The following SELP variants were observed in gnomAD, a reference collection of about 807,000 sequenced individuals.
The protein encoded by SELP is selectin P.
In SELP, 92 loss-of-function variants were observed where a neutral mutation model predicts 104.1. That is an observed-to-expected ratio of 0.88 (90% CI 0.75 to 1.05). The LOEUF (loss-of-function observed/expected upper bound fraction) is 1.05, where lower values mean the gene tolerates loss of function less well. Ranked by LOEUF, SELP falls within the 50% of genes least tolerant of loss-of-function variation. SELP has a pLI of 0.00. For missense variants in SELP, 1,022 were observed against 1,017.3 expected (o/e 1.00, Z -0.06); for synonymous variants, 397 against 364.5 (o/e 1.09, Z -1.01).
intron 9 of SELP, 92 bp from the exon 10 acceptor site, chr1:169,603,303 CTCTCTGTG>C (rs1333703462): frequency 2.8e-4 from 197 of 694,656 alleles, no homozygotes; most frequent in Non-Finnish European, 3.8e-4. Context: ...CTCCCTCTCT[CTCTCTGTG>C]TGTGTGTGTG....
At chr1:169,595,839 G>A in intron 12 of SELP, 86 bp downstream of exon 12, 1 of 1,195,280 alleles carries the variant, frequency 8.4e-7, no homozygotes, top group Non-Finnish European at 1.2e-6. Flanking sequence ...TTGTGGTTGG[G>A]TGAGACTTCA....
intron 12 of SELP, 48 bp downstream of exon 12, chr1:169,595,877 T>A: frequency 6.4e-7 from 1 of 1,551,478 alleles, no homozygotes; most frequent in Non-Finnish European, 8.9e-7. Flanking sequence ...CTAGCTTGAG[T>A]ACTTGCAGGA....
At chr1:169,597,723 A>G (rs1460578546) in intron 10 of SELP, among the ~76,000 whole-genome samples, 1 of 152,192 alleles carries the variant, frequency 6.6e-6, no homozygotes, top group African/African-American at 2.4e-5. Flanking sequence ...CCATCCAGAT[A>G]ACACAGGAAA....
At chr1:169,607,330 G>A (rs3917751) in intron 8 of SELP, among the ~76,000 whole-genome samples, 196 bp from the exon 9 acceptor site, 55,447 of 151,964 alleles carry the variant, frequency 0.36, 12,160 homozygotes, top group East Asian at 0.95. Context: ...CCTTTGTTGA[G>A]CATCTTGGCA....
intron 7 of SELP, among the ~76,000 whole-genome samples, chr1:169,610,252 C>T (rs895871781): frequency 1.3e-5 from 2 of 151,864 alleles, no homozygotes; most frequent in African/African-American, 2.4e-5. Flanking sequence ...TGATCCTGAC[C>T]GGGCTTTGTC....
At chr1:169,594,465 A>G (rs552590595) in intron 13 of SELP, among the ~76,000 whole-genome samples, 10 of 152,306 alleles carry the variant, frequency 6.6e-5, no homozygotes, top group Admixed American at 3.9e-4. Context: ...TCATTTCACA[A>G]ACTGAACACT....
chr1:169,589,721 C>T (rs1286460640), intron 16 of SELP: 1 of 154,956 alleles, frequency 6.5e-6, no homozygotes, highest in East Asian at 1.9e-4. Context: ...TTGTAGGACA[C>T]TCAACTACCC....
In SELP at chr1:169,612,960, T is replaced by G; in HGVS notation, c.744A>C (p.Gly248=). The change falls in exon 5 of 17, where the codon GGA becomes GGC. Residue 248 remains glycine (G), a synonymous_variant. Coordinates refer to ENST00000263686, the MANE Select transcript of SELP (RefSeq NM_003005.4). ...GPSKLECLAS[G]IWTNKPPQCL... ...ACTGTGGAGGCTTATTTGTCCAGAT[T>G]CCAGAAGCCAAGCATTCCAGCTTGC... The G allele has an allele frequency of 6.2e-7, 1 of 1,612,946 alleles. No individual in the cohort carries two copies. Among genetic ancestry groups the G allele is most frequent in the Non-Finnish European group, 8.5e-7 (1 of 1,179,178 alleles).
chr1:169,629,181 T>C (rs1310946349), intron 1 of SELP, among the ~76,000 whole-genome samples: 9 of 152,144 alleles, frequency 5.9e-5, no homozygotes, highest in Non-Finnish European at 1.3e-4. Context: ...ATTGCTGAGT[T>C]CAAAATGCCT....
chr1:169,613,851 G>A lies in SELP; in HGVS notation c.482-158C>T, dbSNP rs74668477. ...CTTCTAGAGAGCCAACCTGTCCCTTGTGAAAAGCATTGTAGGGGCCTGCTG... is the reference window on the plus strand; with the variant it reads ...CTTCTAGAGAGCCAACCTGTCCCTTATGAAAAGCATTGTAGGGGCCTGCTG... On this transcript the variant is annotated intron_variant, in intron 3 of 16. Coordinates refer to ENST00000263686, the MANE Select transcript of SELP (RefSeq NM_003005.4). 5.5e-3 allele frequency among the ~76,000 whole-genome samples: 838 copies of A among 152,330 alleles called. 5 individuals carry two copies. The highest frequency in any genetic ancestry group is 0.019 in the African/African-American group (809 of 41,570).
chr1:169,598,827 A>G (rs1661756725), intron 10 of SELP, among the ~76,000 whole-genome samples: 1 of 152,242 alleles, frequency 6.6e-6, no homozygotes. Context: ...GAATGAATAC[A>G]GTAATGAATA....
rs1373652666 is a variant in SELP at position 169,619,180 on chromosome 1, T to G, written c.43A>C (p.Arg15=). The G allele has an allele frequency of 6.2e-7, 1 of 1,614,096 alleles. No homozygotes were observed. Among genetic ancestry groups the G allele is most frequent in the Non-Finnish European group, 8.5e-7 (1 of 1,179,932 alleles). The stretch of plus-strand genomic sequence containing the variant: ...AGTTGGGAAATTCCAAAGACCACTC[T>G]CTGGAATCTCTGGTACAAGATGGCT... The part of the protein sequence containing the change: ...QIAILYQRFQ[R]VVFGISQLLC... Residue 15 remains arginine, a synonymous_variant, in exon 2 of 17, where the codon AGA becomes CGA. Coordinates refer to ENST00000263686, the MANE Select transcript of SELP (RefSeq NM_003005.4).
chr1:169,593,852 G>T, intron 13 of SELP, 128 bp from the exon 14 acceptor site: 1 of 846,616 alleles, frequency 1.2e-6, no homozygotes, highest in Non-Finnish European at 1.8e-6. Flanking sequence ...AAGGTCCTGG[G>T]AATGCTGACA....
chr1:169,619,297 A>G (rs1007936936), intron 1 of SELP, 78 bp from the exon 2 acceptor site: 7 of 1,062,494 alleles, frequency 6.6e-6, no homozygotes, highest in Admixed American at 5.6e-5. Flanking sequence ...GTTAACAATC[A>G]TTATGTTGAA....
At chr1:169,623,181 G>T (rs1481140955) in intron 1 of SELP, among the ~76,000 whole-genome samples, 1 of 102 alleles carries the variant, frequency 9.8e-3, no homozygotes, top group Non-Finnish European at 0.024. Context: ...TTGAACCTGG[G>T]CTTTGCTCTA....
chr1:169,602,922 G>A (rs761765575), intron 10 of SELP, 104 bp downstream of exon 10: 8 of 889,326 alleles, frequency 9.0e-6, no homozygotes, highest in Non-Finnish European at 1.2e-5. Context: ...TGTGGAGAGT[G>A]TTGTTTGCTT....
chr1:169,616,788 A>T lies in SELP; in HGVS notation c.481+240T>A, dbSNP rs140704427. ...GAGTGTCCTTTTCATCAGTTATAAG[A>T]TGAGACAGGTGAGCTGGATGATATT... On this transcript the variant is annotated intron_variant, in intron 3 of 16. Coordinates refer to ENST00000263686, the MANE Select transcript of SELP (RefSeq NM_003005.4). Among the ~76,000 whole-genome samples, 1,132 of 152,318 alleles carry T rather than the reference A, an allele frequency of 7.4e-3. 8 individuals carry two copies. The highest frequency in any genetic ancestry group is 0.011 in the Non-Finnish European group (731 of 68,038).
chr1:169,594,713 T>G lies in SELP; in HGVS notation c.2266A>C (p.Thr756Pro), dbSNP rs6136. Reference sequence around the variant, plus strand: ...GTACCTTGGCAGGTTGGCACGGTAGTTGACCAGTGGCCATTCTCTTGGCAT... The same window carrying G: ...GTACCTTGGCAGGTTGGCACGGTAGGTGACCAGTGGCCATTCTCTTGGCAT... ...TACQENGHWS[T>P]TVPTCQAGPL... Residue 756 changes from threonine to proline, a missense_variant, in exon 13 of 17, where the codon ACT becomes CCT. Coordinates refer to ENST00000263686, the MANE Select transcript of SELP (RefSeq NM_003005.4). 0.097 allele frequency: 156,500 copies of G among 1,613,462 alleles called. 8,585 individuals are homozygous for G. The highest frequency in any genetic ancestry group is 0.11 in the Non-Finnish European group (130,981 of 1,179,576).
At chr1:169,595,892 A>G (rs1661578734) in intron 12 of SELP, 33 bp downstream of exon 12, 2 of 1,597,052 alleles carry the variant, frequency 1.3e-6, no homozygotes, top group Non-Finnish European at 1.7e-6. Context: ...GCAGGAAGGC[A>G]GGTTCAGAAC....
Sources: gnomAD v4.1 joint callset for allele counts (sites outside exome capture counted in the v4.1 genomes callset) on GRCh38, gnomAD v4.1.1 for gene constraint, MANE v1.5 for transcripts, NCBI Gene and HGNC (gene_info 2026-07-23, HGNC 2026-07-21) for gene names.